The following DISC1 variants were observed in gnomAD, a reference collection of about 807,000 sequenced individuals.
DISC1 encodes the protein disrupted in schizophrenia 1 protein.
Under a neutral mutation model 84.5 loss-of-function variants are expected in DISC1, and 57 were observed. The ratio of observed to expected loss-of-function variants is 0.67; its 90% confidence interval spans 0.55 to 0.84. The LOEUF (loss-of-function observed/expected upper bound fraction) is 0.84, where lower values mean the gene tolerates loss of function less well. Ranked by LOEUF, DISC1 falls within the 40% of genes least tolerant of loss-of-function variation. The pLI is 0.00. For missense variants in DISC1, 1,000 were observed against 1,057.8 expected (o/e 0.95, Z 0.76); for synonymous variants, 411 against 415.2 (o/e 0.99, Z 0.12).
At chr1:232,019,714 G>T (rs988533206) in intron 11 of DISC1, among the ~76,000 whole-genome samples, 1 of 152,168 alleles carries the variant, frequency 6.6e-6, no homozygotes, top group Admixed American at 6.5e-5. Flanking sequence ...GATGGGACTG[G>T]ATACTCATGT....
At chr1:231,984,343 G>A (rs183934439) in intron 10 of DISC1, among the ~76,000 whole-genome samples, 2 of 152,120 alleles carry the variant, frequency 1.3e-5, no homozygotes. Context: ...GAGGTAATTA[G>A]AAAATAATAT....
intron 9 of DISC1, among the ~76,000 whole-genome samples, chr1:231,839,742 T>C (rs1359980477): frequency 6.6e-6 from 1 of 152,198 alleles, no homozygotes; most frequent in African/African-American, 2.4e-5. Flanking sequence ...AATATAGTGC[T>C]GCCATCTGCT....
chr1:231,780,210 A>G (rs1363255322), intron 6 of DISC1, among the ~76,000 whole-genome samples: 2 of 148,574 alleles, frequency 1.3e-5, no homozygotes, highest in East Asian at 2.0e-4. Context: ...CACAATGTGC[A>G]CATGTACCCT....
intron 9 of DISC1, among the ~76,000 whole-genome samples, chr1:231,835,845 G>A (rs899476946): frequency 2.6e-5 from 4 of 152,090 alleles, no homozygotes; most frequent in Admixed American, 1.3e-4. Context: ...TTGAGATAAC[G>A]GCGTAGAATG....
At chr1:231,702,558 A>G in intron 3 of DISC1, 1 of 985,650 alleles carries the variant, frequency 1.0e-6, no homozygotes, top group Non-Finnish European at 1.2e-6. Context: ...ATTTCCACAT[A>G]CATGGCCTAA....
chr1:231,776,931 G>A (rs1057113718), intron 6 of DISC1, among the ~76,000 whole-genome samples: 1 of 152,156 alleles, frequency 6.6e-6, no homozygotes, highest in Non-Finnish European at 1.5e-5. Flanking sequence ...CTCTTGCCCC[G>A]GGGGTAGTGC....
Position 231,993,926 on chromosome 1 carries a change from A to G in DISC1, c.2043-14859A>G, listed in dbSNP as rs1256492692. On this transcript the variant is annotated intron_variant, in intron 10 of 12. Coordinates refer to ENST00000439617, the MANE Select transcript of DISC1 (RefSeq NM_018662.3). Reference sequence around the variant, plus strand: ...GTATACTACGGAGTGATACAGGAAAATAAATTGTTATTCGAATTTTAAATA... The same window carrying G: ...GTATACTACGGAGTGATACAGGAAAGTAAATTGTTATTCGAATTTTAAATA... Among the ~76,000 whole-genome samples the G allele has an allele frequency of 2.0e-5, 3 of 152,222 alleles. No homozygotes were observed. In the East Asian group the frequency reaches 5.8e-4, roughly 29 times the overall value.
intron 9 of DISC1, among the ~76,000 whole-genome samples, chr1:231,903,431 G>T (rs1170507045): frequency 6.6e-6 from 1 of 152,168 alleles, no homozygotes; most frequent in Non-Finnish European, 1.5e-5. Context: ...ATGGAGTAAG[G>T]CAGGCAAATA....
chr1:231,717,610 T>A (rs1041252518), intron 3 of DISC1, among the ~76,000 whole-genome samples: 5 of 152,162 alleles, frequency 3.3e-5, no homozygotes, highest in Non-Finnish European at 7.4e-5. Context: ...GAGTAGGGAC[T>A]GAGTGGAGTT....
intron 3 of DISC1, among the ~76,000 whole-genome samples, chr1:231,708,742 T>A (rs2067420673): frequency 6.6e-6 from 1 of 152,252 alleles, no homozygotes; most frequent in African/African-American, 2.4e-5. Flanking sequence ...TGTGGAAGAC[T>A]GAGCTTTGTA....
At chr1:231,682,070 G>A (rs1022441141) in intron 1 of DISC1, among the ~76,000 whole-genome samples, 4 of 152,112 alleles carry the variant, frequency 2.6e-5, no homozygotes, top group African/African-American at 9.7e-5. Context: ...CCCAAAGAGC[G>A]GTGAGATTTG....
intron 9 of DISC1, among the ~76,000 whole-genome samples, chr1:231,906,283 A>G (rs1222613267): frequency 2.6e-5 from 4 of 152,090 alleles, no homozygotes; most frequent in Non-Finnish European, 5.9e-5. Flanking sequence ...TGACCTCCCA[A>G]AGTGCTGGGA....
intron 9 of DISC1, among the ~76,000 whole-genome samples, chr1:231,933,362 A>G (rs571897389): frequency 6.6e-6 from 1 of 152,326 alleles, no homozygotes; most frequent in African/African-American, 2.4e-5. Flanking sequence ...TTTGCTTTGA[A>G]AGTAGAAACA....
At chr1:231,731,289 T>C (rs2071478878) in intron 3 of DISC1, among the ~76,000 whole-genome samples, 1 of 152,218 alleles carries the variant, frequency 6.6e-6, no homozygotes, top group East Asian at 1.9e-4. Flanking sequence ...GAAGTGGCAG[T>C]GTTATAGTTC....
At chr1:231,805,574 C>T (rs1257899380) in intron 8 of DISC1, among the ~76,000 whole-genome samples, 1 of 151,936 alleles carries the variant, frequency 6.6e-6, no homozygotes, top group Non-Finnish European at 1.5e-5. Flanking sequence ...AGGGATGGTG[C>T]TAAATCATTA....
intron 9 of DISC1, among the ~76,000 whole-genome samples, chr1:231,914,329 C>T (rs970824423): frequency 6.6e-6 from 1 of 152,198 alleles, no homozygotes; most frequent in Admixed American, 6.5e-5. Flanking sequence ...TGTCTGCAAG[C>T]GGAGCTGAAA....
chr1:231,855,306 A>G, intron 9 of DISC1: 1 of 936,186 alleles, frequency 1.1e-6, no homozygotes, highest in Middle Eastern at 5.5e-4. Flanking sequence ...TCAAAATAAC[A>G]TGTTATATAT....
intron 4 of DISC1, 27 bp from the exon 5 acceptor site, chr1:231,767,113 G>T (rs1422076252): frequency 3.1e-6 from 5 of 1,613,098 alleles, no homozygotes; most frequent in Admixed American, 3.3e-5. Context: ...CTGCATACCT[G>T]TACCAATAGG....
chr1:231,811,587 A>G (rs1022837904), intron 8 of DISC1, among the ~76,000 whole-genome samples: 4 of 152,208 alleles, frequency 2.6e-5, no homozygotes, highest in Non-Finnish European at 5.9e-5. Context: ...TAATCTTAGG[A>G]GGATCGTTAC....
Sources: allele counts gnomAD v4.1 joint callset (sites outside exome capture counted in the v4.1 genomes callset), GRCh38; gene constraint gnomAD v4.1.1; transcripts MANE v1.5; gene names NCBI Gene and HGNC (gene_info 2026-07-23, HGNC 2026-07-21).